The following ANKH variants were observed in gnomAD, a reference collection of about 807,000 sequenced individuals.
ANKH encodes mineralization regulator ANKH.
ANKH carries 15 observed loss-of-function variants against 49.0 expected under a neutral mutation model. The ratio of observed to expected loss-of-function variants is 0.31; its 90% CI spans 0.20 to 0.47. The LOEUF is 0.47. Ranked by LOEUF, ANKH falls within the 20% of genes least tolerant of loss-of-function variation. ANKH has a pLI of 1.00. For missense variants in ANKH, 429 were observed against 652.0 expected, an observed-to-expected ratio of 0.66 and a Z score of 3.72; for synonymous variants, 273 against 260.0, an observed-to-expected ratio of 1.05 and a Z score of -0.48.
intron 1 of ANKH, among the ~76,000 whole-genome samples, chr5:14,782,287 A>G (rs1471458450): frequency 3.3e-5 from 5 of 152,074 alleles, no homozygotes; most frequent in African/African-American, 7.2e-5. Context: ...ACAGTATTCT[A>G]AGATCTTACC....
At chr5:14,769,569 C>A (rs549603644) in intron 1 of ANKH, among the ~76,000 whole-genome samples, 1 of 151,782 alleles carries the variant, frequency 6.6e-6, no homozygotes, top group Non-Finnish European at 1.5e-5. Context: ...ATTCTGAAAA[C>A]GAGTCTAACA....
chr5:14,861,336 T>C (rs1170045697), intron 1 of ANKH, among the ~76,000 whole-genome samples: 1 of 152,224 alleles, frequency 6.6e-6, no homozygotes, highest in Non-Finnish European at 1.5e-5. Context: ...TCCTGGTTCA[T>C]CTGGCTCACT....
At chr5:14,794,483 T>C (rs1740309888) in intron 1 of ANKH, among the ~76,000 whole-genome samples, 1 of 152,232 alleles carries the variant, frequency 6.6e-6, no homozygotes, top group Non-Finnish European at 1.5e-5. Context: ...CCCTCTCCTA[T>C]CTTCTTTCGT....
chr5:14,716,657 T>G (rs746523638), intron 9 of ANKH, 49 bp downstream of exon 9: 2 of 1,610,824 alleles, frequency 1.2e-6, no homozygotes, highest in African/African-American at 1.3e-5. Context: ...AAGATTTAAT[T>G]AGGCATGAGG....
chr5:14,862,461 A>G (rs1226171281), intron 1 of ANKH, among the ~76,000 whole-genome samples: 2 of 152,212 alleles, frequency 1.3e-5, no homozygotes, highest in Non-Finnish European at 2.9e-5. Context: ...AACAAAGAAA[A>G]ACAACACCTG....
intron 1 of ANKH, among the ~76,000 whole-genome samples, chr5:14,777,721 C>T (rs776018037): frequency 5.9e-5 from 9 of 152,288 alleles, no homozygotes; most frequent in Middle Eastern, 3.4e-3. Flanking sequence ...CCCTGGGGCA[C>T]GGGTCCAGGT....
intron 1 of ANKH, among the ~76,000 whole-genome samples, chr5:14,776,467 A>T (rs1332984291): frequency 6.6e-6 from 1 of 152,190 alleles, no homozygotes. Flanking sequence ...ATAGGAAAAA[A>T]GAGTCCACAA....
chr5:14,863,823 C>G (rs1006138832), intron 1 of ANKH, among the ~76,000 whole-genome samples: 1 of 152,152 alleles, frequency 6.6e-6, no homozygotes, highest in Admixed American at 6.5e-5. Flanking sequence ...TTGTCCCAAA[C>G]CAAATATGAA....
At chr5:14,794,817 T>C (rs560377605) in intron 1 of ANKH, among the ~76,000 whole-genome samples, 4 of 152,252 alleles carry the variant, frequency 2.6e-5, no homozygotes, top group Non-Finnish European at 1.5e-5. Flanking sequence ...ATGTTAGGGT[T>C]GCACTGAGTG....
chr5:14,739,541 C>T (rs1320286840), intron 8 of ANKH, among the ~76,000 whole-genome samples: 1 of 152,156 alleles, frequency 6.6e-6, no homozygotes, highest in East Asian at 1.9e-4. Context: ...GTACATGAGA[C>T]CCTTCCTAAG....
At chr5:14,825,476 C>T (rs994220076) in intron 1 of ANKH, among the ~76,000 whole-genome samples, 1 of 152,122 alleles carries the variant, frequency 6.6e-6, no homozygotes, top group South Asian at 2.1e-4. Flanking sequence ...CTCAGCCTCC[C>T]GAGTAGCTGA....
At chr5:14,798,523 G>C in intron 1 of ANKH, 1 of 738,882 alleles carries the variant, frequency 1.4e-6, no homozygotes, top group East Asian at 2.7e-5. Flanking sequence ...TTGAAGGTTT[G>C]TGGCAACCCT....
chr5:14,742,282 C>T (rs923385776), intron 7 of ANKH, among the ~76,000 whole-genome samples: 5 of 152,170 alleles, frequency 3.3e-5, no homozygotes, highest in Non-Finnish European at 5.9e-5. Flanking sequence ...TGGCCACCAT[C>T]GGCATCTCCC....
intron 1 of ANKH, among the ~76,000 whole-genome samples, chr5:14,841,041 GAT>G (rs1395292377): frequency 2.6e-5 from 4 of 152,050 alleles, no homozygotes; most frequent in African/African-American, 9.7e-5. Context: ...TTTGAGCGGG[GAT>G]ATATATGACT....
chr5:14,855,995 A>G (rs939357578), intron 1 of ANKH, among the ~76,000 whole-genome samples: 1 of 151,748 alleles, frequency 6.6e-6, no homozygotes, highest in African/African-American at 2.4e-5. Context: ...AAAAAATACA[A>G]AGCAAGAAAA....
Position 14,832,448 on chromosome 5 carries a change from G to A in ANKH, c.96+38904C>T, listed in dbSNP as rs139278009. On this transcript the variant is annotated intron_variant, in intron 1 of 11. Coordinates refer to ENST00000284268, the MANE Select transcript of ANKH (RefSeq NM_054027.6). The stretch of plus-strand genomic sequence containing the variant: ...ATCCTTTTCAAAAAACTCAATAACC[G>A]AAGTCAATTATTAAATTGCTAGTTC... 5.3e-4 allele frequency among the ~76,000 whole-genome samples: 81 copies of A among 152,162 alleles called. 1 individual carries two copies. The highest frequency in any genetic ancestry group is 1.3e-3 in the African/African-American group (55 of 41,526).
At chr5:14,850,040 T>G (rs1212684522) in intron 1 of ANKH, among the ~76,000 whole-genome samples, 1 of 152,192 alleles carries the variant, frequency 6.6e-6, no homozygotes, top group African/African-American at 2.4e-5. Context: ...TCGCCTCACA[T>G]AAAAGGTATG....
At chr5:14,781,644 C>G (rs925357612) in intron 1 of ANKH, among the ~76,000 whole-genome samples, 11 of 152,204 alleles carry the variant, frequency 7.2e-5, no homozygotes, top group Admixed American at 1.3e-4. Context: ...TTCTCCTGAT[C>G]TCTCATGAAA....
rs1217889534 is a variant in ANKH, at chr5:14,713,797, G to A, written c.1142-130C>T. The A allele has an allele frequency of 3.0e-6, 4 of 1,329,934 alleles. No individual in the cohort carries two copies. Among genetic ancestry groups the A allele is most frequent in the Admixed American group, 1.7e-5 (1 of 58,096 alleles). The allele number at this position is 1,329,934 out of a possible 1,614,324, so 82.4% of individuals were successfully genotyped here. On this transcript the variant is annotated intron_variant, in intron 9 of 11. Coordinates refer to ENST00000284268, the MANE Select transcript of ANKH (RefSeq NM_054027.6). This position sits in a 1 kb window ranked among gnomAD's most constrained non-coding sequence, Gnocchi z 4.4. ...ACCCTGGCCTTGCTGTTGAGCCGCTGGCCACCTCATCTTCCTGCCAGGGTT... is the reference window on the plus strand; with the variant it reads ...ACCCTGGCCTTGCTGTTGAGCCGCTAGCCACCTCATCTTCCTGCCAGGGTT...
Sources: allele counts gnomAD v4.1 joint callset (sites outside exome capture counted in the v4.1 genomes callset), GRCh38; gene constraint gnomAD v4.1.1; non-coding constraint Gnocchi (gnomAD v3.1); transcripts MANE v1.5; gene names NCBI Gene and HGNC (gene_info 2026-07-23, HGNC 2026-07-21).